The following NDST3 variants were observed in gnomAD, a reference collection of about 807,000 sequenced individuals.
NDST3 encodes N-deacetylase and N-sulfotransferase 3.
A neutral mutation model predicts 96.1 loss-of-function variants in NDST3; 58 were observed. The observed-to-expected ratio is 0.60, with a 90% CI of 0.49 to 0.75. NDST3 has a LOEUF of 0.75. Ranked by LOEUF, NDST3 falls within the 30% of genes least tolerant of loss-of-function variation. The pLI, the probability that NDST3 is intolerant of heterozygous loss-of-function variation, is 0.00. For synonymous variants in NDST3, 333 were observed against 359.7 expected (o/e 0.93, Z 0.84); for missense variants, 788 against 1,034.2 (o/e 0.76, Z 3.27).
intron 6 of NDST3, among the ~76,000 whole-genome samples, chr4:118,162,927 A>C (rs1341445199): frequency 4.0e-5 from 6 of 148,154 alleles, no homozygotes; most frequent in African/African-American, 1.5e-4. Flanking sequence ...AACCCCATCA[A>C]AAAGTGGGCA....
chr4:118,233,219 G>A, intron 9 of NDST3, 84 bp downstream of exon 9: 2 of 1,183,740 alleles, frequency 1.7e-6, no homozygotes, highest in Non-Finnish European at 2.2e-6. Context: ...AAACATCTAA[G>A]TTTGTAGTCA....
chr4:118,081,951 G>A (rs1728058157), intron 2 of NDST3, among the ~76,000 whole-genome samples: 1 of 152,090 alleles, frequency 6.6e-6, no homozygotes, highest in Non-Finnish European at 1.5e-5. Context: ...TTCAAGCCAG[G>A]AGCAAACACA....
At chr4:118,184,149 T>C (rs1736776545) in intron 6 of NDST3, among the ~76,000 whole-genome samples, 1 of 152,208 alleles carries the variant, frequency 6.6e-6, no homozygotes, top group Non-Finnish European at 1.5e-5. Context: ...AAGAATCATT[T>C]CATTGCACAT....
At chr4:118,052,788 T>C (rs1156708498) in intron 1 of NDST3, among the ~76,000 whole-genome samples, 1 of 151,966 alleles carries the variant, frequency 6.6e-6, no homozygotes, top group Non-Finnish European at 1.5e-5. Flanking sequence ...TCCTAATAAA[T>C]GTAGAACACC....
intron 6 of NDST3, among the ~76,000 whole-genome samples, chr4:118,144,556 A>C (rs1733803747): frequency 6.8e-6 from 1 of 146,670 alleles, no homozygotes; most frequent in African/African-American, 2.5e-5. Context: ...GCTTGAGGCA[A>C]GTATTAGAAA....
At chr4:118,065,509 T>G (rs755947250) in intron 2 of NDST3, among the ~76,000 whole-genome samples, 7 of 152,058 alleles carry the variant, frequency 4.6e-5, no homozygotes, top group Non-Finnish European at 1.0e-4. Flanking sequence ...ATCAATTCAT[T>G]ACTTTAGGAG....
chr4:118,168,234 CAAAT>C (rs1735686555), intron 6 of NDST3, among the ~76,000 whole-genome samples: 1 of 151,778 alleles, frequency 6.6e-6, no homozygotes, highest in Non-Finnish European at 1.5e-5. Flanking sequence ...AAAACAAAAA[CAAAT>C]AATCCAATTA....
intron 8 of NDST3, among the ~76,000 whole-genome samples, chr4:118,229,938 T>G (rs940430740): frequency 1.3e-5 from 2 of 152,230 alleles, no homozygotes; most frequent in African/African-American, 4.8e-5. Flanking sequence ...TATTGAGATA[T>G]GGCACTCTTT....
At chr4:118,127,339 A>C (rs534526474) in intron 4 of NDST3, among the ~76,000 whole-genome samples, 4 of 152,130 alleles carry the variant, frequency 2.6e-5, no homozygotes, top group Non-Finnish European at 4.4e-5. Context: ...CTTATGTTTA[A>C]GTCTTTAATA....
rs1345019141 is a variant in NDST3 at position 118,120,274 on chromosome 4, G to C, written c.1224+5314G>C. ...TTATTCCCAGTTACCAAGAGAGGGA[G>C]TGTGCCACAAGGATGCAGGGCCACA... On this transcript the variant is annotated intron_variant, in intron 4 of 13. Transcript: ENST00000296499. Among the ~76,000 whole-genome samples, 3 of 152,100 alleles carry C rather than the reference G, an allele frequency of 2.0e-5. No homozygotes were observed. In the East Asian group the frequency reaches 5.8e-4, roughly 29 times the overall value.
chr4:118,105,175 C>T lies in NDST3; in HGVS notation c.1069+70C>T, dbSNP rs549683206. ...ACTCTATTTAAAATTGCACACTTTT[C>T]CTGCCCACACTGTCCTACATTCCCT... On this transcript the variant is annotated intron_variant, in intron 3 of 13. Coordinates refer to ENST00000296499, the MANE Select transcript of NDST3 (RefSeq NM_004784.3). 22 of 1,113,850 alleles carry T rather than the reference C, an allele frequency of 2.0e-5. No homozygotes were observed. In the African/African-American group the frequency reaches 3.4e-4, roughly 17 times the overall value. The allele number at this position is 1,113,850 out of a possible 1,614,324, so 69.0% of individuals were successfully genotyped here. A position where few individuals can be genotyped will look rare whatever the true frequency, so the allele number is the denominator to read the frequency against.
In NDST3 at chr4:118,130,013, AT is replaced by A. The variant is rs1451405063; in HGVS notation, c.1225-8035del. ...GATATAAGGATAACTACTCCTGTTC[AT>A]TTTTTGTTTCAATTGGCATGGAATA... On this transcript the variant is annotated intron_variant, in intron 4 of 13. Transcript: ENST00000296499. Among the ~76,000 whole-genome samples, 11 of 151,920 alleles carry A rather than the reference AT, an allele frequency of 7.2e-5. No homozygotes were observed. The East Asian group carries it at 1.9e-3, about 27-fold the overall frequency.
rs1742216878 is a variant in NDST3, at chr4:118,257,988, T to A, written c.*2276T>A. 1 of 152,198 alleles carries A rather than the reference T, an allele frequency of 6.6e-6. No individual in the cohort carries two copies. Among genetic ancestry groups the A allele is most frequent in the Non-Finnish European group, 1.5e-5 (1 of 68,040 alleles). The allele number at this position is 152,198 out of a possible 1,614,324, so 9.4% of individuals were successfully genotyped here. A position where few individuals can be genotyped will look rare whatever the true frequency, so the allele number is the denominator to read the frequency against. ...GTCATGTTTTCATTTGGCAACAACATTTATTCTAATAAAAAAAGAAAAGAA... is the reference window on the plus strand; with the variant it reads ...GTCATGTTTTCATTTGGCAACAACAATTATTCTAATAAAAAAAGAAAAGAA... On this transcript the variant is annotated 3_prime_UTR_variant, in exon 14 of 14. Transcript: ENST00000296499.
At chr4:118,232,647 GAA>G (rs1358960153) in intron 8 of NDST3, among the ~76,000 whole-genome samples, 1 of 148,142 alleles carries the variant, frequency 6.8e-6, no homozygotes, top group Non-Finnish European at 1.5e-5. Flanking sequence ...AAAAAAGAAA[GAA>G]AGAGAGAGAA....
rs961045883 is a variant in NDST3, at chr4:118,240,776, T to G, written c.2289+82T>G. On this transcript the variant is annotated intron_variant, in intron 11 of 13. Coordinates refer to ENST00000296499, the MANE Select transcript of NDST3 (RefSeq NM_004784.3). ...CCTTAAGGTTAAGAAAATTTTCAATTGTTAAACTATTACTAGTTTTTCCTC... is the reference window on the plus strand; with the variant it reads ...CCTTAAGGTTAAGAAAATTTTCAATGGTTAAACTATTACTAGTTTTTCCTC... 1.4e-5 allele frequency: 19 copies of G among 1,312,486 alleles called. No individual in the cohort carries two copies. In the Admixed American group the frequency reaches 1.6e-4, roughly 11 times the overall value. 81.3% of individuals were successfully genotyped at this position (1,312,486 alleles called of 1,614,324 possible).
chr4:118,053,443 A>C (rs1162639695), intron 1 of NDST3, among the ~76,000 whole-genome samples: 1 of 151,992 alleles, frequency 6.6e-6, no homozygotes, highest in African/African-American at 2.4e-5. Flanking sequence ...TGTATGACTT[A>C]GGTGACCTCT....
intron 2 of NDST3, 71 bp downstream of exon 2, chr4:118,054,962 T>C (rs1008775788): frequency 1.3e-6 from 2 of 1,572,772 alleles, no homozygotes; most frequent in East Asian, 2.2e-5. Flanking sequence ...TCCCAGTTTG[T>C]ACTACAACTG....
intron 2 of NDST3, among the ~76,000 whole-genome samples, chr4:118,082,558 A>G (rs550886473): frequency 1.3e-5 from 2 of 152,230 alleles, no homozygotes; most frequent in African/African-American, 4.8e-5. Flanking sequence ...GACCTTTGCC[A>G]CAGAAGTAAA....
intron 6 of NDST3, among the ~76,000 whole-genome samples, chr4:118,168,136 T>C (rs547861056): frequency 1.7e-4 from 26 of 151,856 alleles, no homozygotes; most frequent in Non-Finnish European, 2.8e-4. Flanking sequence ...ATGCAACCTA[T>C]GGAATGGGAG....
Sources: allele counts gnomAD v4.1 joint callset (sites outside exome capture counted in the v4.1 genomes callset), GRCh38; gene constraint gnomAD v4.1.1; transcripts MANE v1.5; gene names NCBI Gene and HGNC (gene_info 2026-07-23, HGNC 2026-07-21).